Variants in DYNC1I1 observed in about 807,000 individuals in gnomAD.
DYNC1I1 encodes dynein cytoplasmic 1 intermediate chain 1, also known as cytoplasmic dynein 1 intermediate chain 1.
A neutral mutation model predicts 86.6 loss-of-function variants in DYNC1I1; 43 were observed. The observed-to-expected ratio is 0.50, with a 90% CI of 0.39 to 0.64. The LOEUF (loss-of-function observed/expected upper bound fraction) is 0.64, where lower values mean the gene tolerates loss of function less well. DYNC1I1 is among the 30% of genes least tolerant of loss of function. DYNC1I1 has a pLI of 0.00. For synonymous variants in DYNC1I1, 262 were observed against 283.7 expected (o/e 0.92, Z 0.77); for missense variants, 604 against 788.8 (o/e 0.77, Z 2.81).
At chr7:96,024,360 G>T (rs1313690168) in intron 10 of DYNC1I1, among the ~76,000 whole-genome samples, 1 of 152,118 alleles carries the variant, frequency 6.6e-6, no homozygotes, top group Non-Finnish European at 1.5e-5. Flanking sequence ...GCCTCCCAAA[G>T]TTCTGAGATT....
intron 6 of DYNC1I1, among the ~76,000 whole-genome samples, chr7:95,898,789 C>G: frequency 6.6e-6 from 1 of 152,160 alleles, no homozygotes; most frequent in East Asian, 1.9e-4. Context: ...GAAAGAAACG[C>G]TTTCATGAGC....
At chr7:95,793,838 A>G (rs969235624) in intron 1 of DYNC1I1, among the ~76,000 whole-genome samples, 2 of 152,176 alleles carry the variant, frequency 1.3e-5, no homozygotes, top group African/African-American at 2.4e-5. Flanking sequence ...TATGTGCCCA[A>G]TGTGATGCTG....
At chr7:95,953,631 T>C (rs1792619473) in intron 6 of DYNC1I1, among the ~76,000 whole-genome samples, 1 of 152,218 alleles carries the variant, frequency 6.6e-6, no homozygotes, top group African/African-American at 2.4e-5. Context: ...GAAAGAACTG[T>C]CAATCACTGA....
chr7:96,050,703 C>T (rs1209082889), intron 14 of DYNC1I1, among the ~76,000 whole-genome samples: 1 of 152,156 alleles, frequency 6.6e-6, no homozygotes, highest in Admixed American at 6.5e-5. Context: ...AGACCTGCTT[C>T]TTCAAAAGTT....
intron 3 of DYNC1I1, among the ~76,000 whole-genome samples, chr7:95,811,797 A>G (rs1794836566): frequency 6.6e-6 from 1 of 152,208 alleles, no homozygotes; most frequent in Non-Finnish European, 1.5e-5. Context: ...TTTTCTACTT[A>G]GTTGACATCT....
rs80187238 is a variant in DYNC1I1 at position 96,077,897 on chromosome 7, A to G, written c.1650+1700A>G. 2.8e-3 allele frequency among the ~76,000 whole-genome samples: 431 copies of G among 152,278 alleles called. 2 individuals carry two copies. The highest frequency in any genetic ancestry group is 4.0e-3 in the Non-Finnish European group (273 of 67,990). On this transcript the variant is annotated intron_variant, in intron 15 of 16. Coordinates refer to ENST00000447467, the MANE Select transcript of DYNC1I1 (RefSeq NM_001135556.2). ...TCTAGATATCAAGAGACAACCACAT[A>G]AGAGTTTCATAGCTAAACATTTTTT...
At chr7:96,087,411 C>T (rs888998416) in intron 16 of DYNC1I1, among the ~76,000 whole-genome samples, 8 of 152,148 alleles carry the variant, frequency 5.3e-5, no homozygotes, top group Admixed American at 2.6e-4. Context: ...TCCAGAAGAG[C>T]ACAGTTGGTC....
intron 14 of DYNC1I1, among the ~76,000 whole-genome samples, chr7:96,049,583 G>T (rs1789334206): frequency 6.6e-6 from 1 of 152,052 alleles, no homozygotes; most frequent in Non-Finnish European, 1.5e-5. Context: ...AGTCTTAATA[G>T]GATTAGTGAT....
intron 5 of DYNC1I1, among the ~76,000 whole-genome samples, chr7:95,833,781 T>C (rs1788992187): frequency 7.5e-6 from 1 of 133,626 alleles, no homozygotes; most frequent in Non-Finnish European, 1.6e-5. Context: ...TGTCTGTTGT[T>C]GGTGTATAAG....
chr7:96,107,808 G>A (rs1791239884), intron 16 of DYNC1I1, among the ~76,000 whole-genome samples: 1 of 151,224 alleles, frequency 6.6e-6, no homozygotes, highest in Non-Finnish European at 1.5e-5. Flanking sequence ...TTACAGGCGT[G>A]AGCCACCACG....
chr7:96,049,894 A>G (rs1789346201), intron 14 of DYNC1I1, among the ~76,000 whole-genome samples: 1 of 151,972 alleles, frequency 6.6e-6, no homozygotes, highest in Admixed American at 6.6e-5. Context: ...TTAGCCACGC[A>G]TGATGGCTCA....
At position 95,995,966 on chromosome 7, in the gene DYNC1I1, G is replaced by A. The variant is rs1189815760; in HGVS notation, c.862G>A (p.Ala288Thr). The change falls in exon 10 of 17, where the codon GCT becomes ACT. Residue 288 changes from alanine (A) to threonine (T), a missense_variant. Coordinates refer to ENST00000447467, the MANE Select transcript of DYNC1I1 (RefSeq NM_001135556.2). Reference protein sequence around the residue: ...WSLQYPELMVASYNNNEDAPH... With the variant: ...WSLQYPELMVTSYNNNEDAPH... ...CATTTAGTACCCTGAGCTGATGGTG[G>A]CTTCTTACAACAACAATGAAGATGC... The A allele has an allele frequency of 8.7e-6, 14 of 1,606,410 alleles. No homozygotes were observed. Among genetic ancestry groups the A allele is most frequent in the South Asian group, 3.4e-5 (3 of 89,520 alleles).
At chr7:95,910,411 T>C (rs1791301805) in intron 6 of DYNC1I1, among the ~76,000 whole-genome samples, 1 of 152,190 alleles carries the variant, frequency 6.6e-6, no homozygotes, top group South Asian at 2.1e-4. Flanking sequence ...TGTTATATTA[T>C]CTGACAGCCC....
At chr7:96,060,043 A>G (rs902380973) in intron 14 of DYNC1I1, among the ~76,000 whole-genome samples, 1 of 152,158 alleles carries the variant, frequency 6.6e-6, no homozygotes, top group African/African-American at 2.4e-5. Flanking sequence ...TACAAATCAA[A>G]TTTACCCCCA....
chr7:95,988,044 C>T (rs1793640113), intron 9 of DYNC1I1, among the ~76,000 whole-genome samples: 1 of 152,080 alleles, frequency 6.6e-6, no homozygotes, highest in Non-Finnish European at 1.5e-5. Context: ...ACAGTTTTCC[C>T]CTGGAGAAAT....
chr7:96,041,656 A>C (rs991549971), intron 14 of DYNC1I1, among the ~76,000 whole-genome samples: 5 of 152,172 alleles, frequency 3.3e-5, no homozygotes, highest in Admixed American at 1.3e-4. Flanking sequence ...AAAAATGAAG[A>C]AGACTTCTAT....
At chr7:96,073,210 G>T (rs923926417) in intron 14 of DYNC1I1, among the ~76,000 whole-genome samples, 7 of 152,124 alleles carry the variant, frequency 4.6e-5, no homozygotes, top group African/African-American at 1.7e-4. Context: ...AGAATTATTT[G>T]CACAGCAACT....
chr7:95,943,142 A>G (rs1316701584), intron 6 of DYNC1I1, among the ~76,000 whole-genome samples: 1 of 149,030 alleles, frequency 6.7e-6, no homozygotes, highest in Non-Finnish European at 1.5e-5. Flanking sequence ...TCAGCCCAAA[A>G]TCTCCTTAAG....
chr7:96,009,485 G>A (rs1465525619), intron 10 of DYNC1I1, among the ~76,000 whole-genome samples: 1 of 152,136 alleles, frequency 6.6e-6, no homozygotes, highest in African/African-American at 2.4e-5. Flanking sequence ...CAGAGTCAGG[G>A]CATATTCCAT....
Sources: allele counts gnomAD v4.1 joint callset (sites outside exome capture counted in the v4.1 genomes callset), GRCh38; gene constraint gnomAD v4.1.1; transcripts MANE v1.5; gene names NCBI Gene and HGNC (gene_info 2026-07-23, HGNC 2026-07-21).